ARL4A: variants seen among roughly 807,000 people sequenced by gnomAD.
ARL4A encodes the protein ADP-ribosylation factor-like protein 4A.
Under a neutral mutation model 13.9 loss-of-function variants are expected in ARL4A, and 5 were observed. The ratio of observed to expected loss-of-function variants is 0.36; its 90% CI spans 0.19 to 0.75. The LOEUF is 0.75. Among genes scored for constraint, ARL4A ranks in the 30% least tolerant of loss-of-function variants. The pLI, the probability that ARL4A is intolerant of heterozygous loss-of-function variation, is 0.53. For missense variants in ARL4A, 147 were observed against 225.8 expected (o/e 0.65, Z 2.24); for synonymous variants, 77 against 84.4 (o/e 0.91, Z 0.48).
At position 12,689,979 on chromosome 7, in the gene ARL4A, T is replaced by G. The variant is rs62449782; in HGVS notation, c.*1122T>G. ...TTTTTGTTTACAAATTGAACAGTGT[T>G]ACATGGGCTGTCCAGTCCTGATTAT... On this transcript the variant is annotated 3_prime_UTR_variant, in exon 2 of 2. Transcript: ENST00000651779. 0.21 allele frequency: 35,640 copies of G among 166,970 alleles called. 4,440 individuals carry two copies. Among genetic ancestry groups the G allele is most frequent in the Non-Finnish European group, 0.28 (19,172 of 68,044 alleles). 10.3% of individuals were successfully genotyped at this position (166,970 alleles called of 1,614,324 possible). A position where few individuals can be genotyped will look rare whatever the true frequency, so the allele number is the denominator to read the frequency against.
rs1483901798 is a variant in ARL4A at position 12,688,250 on chromosome 7, T to G, written c.-5T>G. 6.4e-7 allele frequency: 1 copy of G among 1,551,354 alleles called. No individual in the cohort carries two copies. The highest frequency in any genetic ancestry group is 1.2e-5 in the South Asian group (1 of 81,278). The stretch of plus-strand genomic sequence containing the variant: ...TCAATTTGGGACATTTATTTGCACC[T>G]GGAAATGGGGAATGGGCTGTCAGAC... On this transcript the variant is annotated 5_prime_UTR_variant, in exon 2 of 2. Transcript: ENST00000651779. This position sits in a 1 kb window ranked among gnomAD's most constrained non-coding sequence, Gnocchi z 5.2.
In ARL4A at chr7:12,688,056, C is replaced by T. The variant is rs555095449; in HGVS notation, c.-89-110C>T. On this transcript the variant is annotated intron_variant, in intron 1 of 1. Coordinates refer to ENST00000651779, the MANE Select transcript of ARL4A (RefSeq NM_005738.5). The surrounding 1 kb of genome is among the most constrained non-coding windows in gnomAD (Gnocchi z 5.2). ...TTCATATCTCGTCTGGTTTGTTTAG[C>T]GCAGCAAGTTATAGTAAGTTCTTCG... 3 of 671,682 alleles carry T rather than the reference C, an allele frequency of 4.5e-6. No homozygotes were observed. The highest frequency in any genetic ancestry group is 2.9e-5 in the East Asian group (1 of 34,308). The allele number at this position is 671,682 out of a possible 1,614,324, so 41.6% of individuals were successfully genotyped here.
At position 12,689,328 on chromosome 7, in the gene ARL4A, T is replaced by C. The variant is rs542098515; in HGVS notation, c.*471T>C. Reference sequence around the variant, plus strand: ...ATATTGATCACATTGGTCCAACCAGTCCTTTTTTGAAGTAAGGGACAAGGA... The same window carrying C: ...ATATTGATCACATTGGTCCAACCAGCCCTTTTTTGAAGTAAGGGACAAGGA... On this transcript the variant is annotated 3_prime_UTR_variant, in exon 2 of 2. Transcript: ENST00000651779. The C allele has an allele frequency of 5.9e-6, 1 of 168,418 alleles. No homozygotes were observed. The highest frequency in any genetic ancestry group is 2.0e-4 in the South Asian group (1 of 4,892). The allele number at this position is 168,418 out of a possible 1,614,324, so 10.4% of individuals were successfully genotyped here.
In ARL4A at chr7:12,689,064, C is replaced by G; in HGVS notation, c.*207C>G. On this transcript the variant is annotated 3_prime_UTR_variant, in exon 2 of 2. Coordinates refer to ENST00000651779, the MANE Select transcript of ARL4A (RefSeq NM_005738.5). ...CTTAAAGTGGTCTCTTCTCCCTACC[C>G]CACAAATCTTTTGGTACTACCATTT... The G allele has an allele frequency of 1.9e-6, 1 of 513,404 alleles. No individual in the cohort carries two copies. The highest frequency in any genetic ancestry group is 3.5e-6 in the Non-Finnish European group (1 of 285,074). The allele number at this position is 513,404 out of a possible 1,614,324, so 31.8% of individuals were successfully genotyped here.
rs1488397252 is a variant in ARL4A at position 12,688,968 on chromosome 7, A to G, written c.*111A>G. The G allele has an allele frequency of 2.6e-6, 3 of 1,141,094 alleles. No individual in the cohort carries two copies. The East Asian group carries it at 7.2e-5, about 27-fold the overall frequency. The allele number at this position is 1,141,094 out of a possible 1,614,324, so 70.7% of individuals were successfully genotyped here. On this transcript the variant is annotated 3_prime_UTR_variant, in exon 2 of 2. Coordinates refer to ENST00000651779, the MANE Select transcript of ARL4A (RefSeq NM_005738.5). This position sits in a 1 kb window ranked among gnomAD's most constrained non-coding sequence, Gnocchi z 5.2. ...CTGTCTGCCCTCCTGGATGCTATTA[A>G]AGCTTTGTTTTGTTGAACAATCAGA...
At position 12,689,831 on chromosome 7, in the gene ARL4A, A is replaced by T. The variant is rs1197906985; in HGVS notation, c.*974A>T. 6.0e-6 allele frequency: 1 copy of T among 166,872 alleles called. No individual in the cohort carries two copies. The allele number at this position is 166,872 out of a possible 1,614,324, so 10.3% of individuals were successfully genotyped here. A position where few individuals can be genotyped will look rare whatever the true frequency, so the allele number is the denominator to read the frequency against. The stretch of plus-strand genomic sequence containing the variant: ...TGTTTTATTAATATTTGCTGGCTAA[A>T]AACAAATGTGGTTTTTATATATTTT... On this transcript the variant is annotated 3_prime_UTR_variant, in exon 2 of 2. Transcript: ENST00000651779.
At chr7:12,686,928 C>G (rs531038447), upstream of ARL4A, 1 of 151,844 alleles carries the variant, frequency 6.6e-6, no homozygotes, top group Non-Finnish European at 1.5e-5. Flanking sequence ...GCCCGCCAGG[C>G]GCCCAGTCCT....
At position 12,687,878 on chromosome 7, in the gene ARL4A, A is replaced by T. The variant is rs530959186; in HGVS notation, c.-90+150A>T. The T allele has an allele frequency of 5.5e-6, 1 of 180,760 alleles. No homozygotes were observed. Among genetic ancestry groups the T allele is most frequent in the Non-Finnish European group, 1.2e-5 (1 of 85,672 alleles). The allele number at this position is 180,760 out of a possible 1,614,324, so 11.2% of individuals were successfully genotyped here. A position where few individuals can be genotyped will look rare whatever the true frequency, so the allele number is the denominator to read the frequency against. On this transcript the variant is annotated intron_variant, in intron 1 of 1. Transcript: ENST00000651779. This position sits in a 1 kb window ranked among gnomAD's most constrained non-coding sequence, Gnocchi z 5.6. Reference sequence around the variant, plus strand: ...TTGTGGTTACGGCCACTTAGACCAGATACTGGTGACTGGGTTCTTTCCAGA... The same window carrying T: ...TTGTGGTTACGGCCACTTAGACCAGTTACTGGTGACTGGGTTCTTTCCAGA...
Position 12,689,168 on chromosome 7 carries a change from TAA to T in ARL4A, c.*313_*314del, listed in dbSNP as rs933789136. 2.3e-5 allele frequency: 6 copies of T among 263,072 alleles called. No homozygotes were observed. The highest frequency in any genetic ancestry group is 1.4e-4 in the African/African-American group (6 of 44,154). 16.3% of individuals were successfully genotyped at this position (263,072 alleles called of 1,614,324 possible). ...GTCTGAAGTTAGTGAAATAAAACTT[TAA>T]AGAGTGTCTGCCTAGTGTTTTGTGC... is the stretch of plus-strand genomic sequence containing the variant. On this transcript the variant is annotated 3_prime_UTR_variant, in exon 2 of 2. Coordinates refer to ENST00000651779, the MANE Select transcript of ARL4A (RefSeq NM_005738.5).
At position 12,689,039 on chromosome 7, in the gene ARL4A, C is replaced by T. The variant is rs1438101824; in HGVS notation, c.*182C>T. On this transcript the variant is annotated 3_prime_UTR_variant, in exon 2 of 2. Transcript: ENST00000651779. ...TGGAAGATGAGTAAATGCAGTGCTT[C>T]TTAAAGTGGTCTCTTCTCCCTACCC... is the stretch of plus-strand genomic sequence containing the variant. 23 of 620,204 alleles carry T rather than the reference C, an allele frequency of 3.7e-5. No homozygotes were observed. The highest frequency in any genetic ancestry group is 2.5e-5 in the Non-Finnish European group (9 of 361,070). 38.4% of individuals were successfully genotyped at this position (620,204 alleles called of 1,614,324 possible).
In ARL4A at chr7:12,690,292, GTTTT is replaced by G. The variant is rs1356442544; in HGVS notation, c.*1439_*1442del. The G allele has an allele frequency of 1.0e-4, 14 of 136,002 alleles. No individual in the cohort carries two copies. Among genetic ancestry groups the G allele is most frequent in the Non-Finnish European group, 2.4e-4 (13 of 54,650 alleles). The allele number at this position is 136,002 out of a possible 1,614,324, so 8.4% of individuals were successfully genotyped here. A position where few individuals can be genotyped will look rare whatever the true frequency, so the allele number is the denominator to read the frequency against. On this transcript the variant is annotated 3_prime_UTR_variant, in exon 2 of 2. Transcript: ENST00000651779. ...AGGATTTGTTTTGGCTTTGGGTTTT[GTTTT>G]TTTGTTTTTTTTTTTTTTCAGTGGC...
rs897087456 is a variant in ARL4A, at chr7:12,687,950, A to G, written c.-89-216A>G. On this transcript the variant is annotated intron_variant, in intron 1 of 1. Transcript: ENST00000651779. The surrounding 1 kb of genome is among the most constrained non-coding windows in gnomAD (Gnocchi z 5.6). ...GACCCAGGAGAAAAACGTACATATTACTGCAATTTAAGTAAACCAGATAAT... is the reference window on the plus strand; with the variant it reads ...GACCCAGGAGAAAAACGTACATATTGCTGCAATTTAAGTAAACCAGATAAT... 6.6e-6 allele frequency among the ~76,000 whole-genome samples: 1 copy of G among 152,176 alleles called. No individual in the cohort carries two copies. Among genetic ancestry groups the G allele is most frequent in the Non-Finnish European group, 1.5e-5 (1 of 68,034 alleles).
Position 12,689,526 on chromosome 7 carries a change from GT to G in ARL4A, c.*673del. ...TGGATTAGTTTTCCTGACAAAGCAT[GT>G]TTTGGTGTGTAGTCTTACTTTTTAG... On this transcript the variant is annotated 3_prime_UTR_variant, in exon 2 of 2. Coordinates refer to ENST00000651779, the MANE Select transcript of ARL4A (RefSeq NM_005738.5). 6.0e-6 allele frequency: 1 copy of G among 166,938 alleles called. No homozygotes were observed. 10.3% of individuals were successfully genotyped at this position (166,938 alleles called of 1,614,324 possible).
Position 12,688,219 on chromosome 7 carries a change from A to C in ARL4A, c.-36A>C. On this transcript the variant is annotated 5_prime_UTR_variant, in exon 2 of 2. Coordinates refer to ENST00000651779, the MANE Select transcript of ARL4A (RefSeq NM_005738.5). This position sits in a 1 kb window ranked among gnomAD's most constrained non-coding sequence, Gnocchi z 5.2. ...AGAAGTTGTAAACCAAGAAGAGAAAAGCATTTCAATTTGGGACATTTATTT... is the reference window on the plus strand; with the variant it reads ...AGAAGTTGTAAACCAAGAAGAGAAACGCATTTCAATTTGGGACATTTATTT... 6.5e-7 allele frequency: 1 copy of C among 1,529,778 alleles called. No homozygotes were observed. The highest frequency in any genetic ancestry group is 2.3e-5 in the East Asian group (1 of 44,150). The allele number at this position is 1,529,778 out of a possible 1,614,324, so 94.8% of individuals were successfully genotyped here. A position where few individuals can be genotyped will look rare whatever the true frequency, so the allele number is the denominator to read the frequency against.
chr7:12,688,987 A>T lies in ARL4A; in HGVS notation c.*130A>T. 1.1e-6 allele frequency: 1 copy of T among 914,354 alleles called. No individual in the cohort carries two copies. Among genetic ancestry groups the T allele is most frequent in the Non-Finnish European group, 1.7e-6 (1 of 600,692 alleles). 56.6% of individuals were successfully genotyped at this position (914,354 alleles called of 1,614,324 possible). ...CTATTAAAGCTTTGTTTTGTTGAAC[A>T]ATCAGATGCCCAACTCTGTTGCCTT... On this transcript the variant is annotated 3_prime_UTR_variant, in exon 2 of 2. Transcript: ENST00000651779. The surrounding 1 kb of genome is among the most constrained non-coding windows in gnomAD (Gnocchi z 5.2).
rs1784610211 is a variant in ARL4A, at chr7:12,690,823, G to T, written c.*1966G>T. On this transcript the variant is annotated 3_prime_UTR_variant, in exon 2 of 2. Transcript: ENST00000651779. ...TAAGTATTTCAAAAGCTTGTGTGTTGACCCTTTGTAGCCTAAGTACGTAAA... is the reference window on the plus strand; with the variant it reads ...TAAGTATTTCAAAAGCTTGTGTGTTTACCCTTTGTAGCCTAAGTACGTAAA... 3.0e-5 allele frequency: 5 copies of T among 166,846 alleles called. No individual in the cohort carries two copies. 10.3% of individuals were successfully genotyped at this position (166,846 alleles called of 1,614,324 possible).
chr7:12,687,129 G>A (rs79178345), upstream of ARL4A: 20,358 of 152,314 alleles, frequency 0.13, 1,524 homozygotes, highest in Non-Finnish European at 0.17. This position sits in a 1 kb window ranked among gnomAD's most constrained non-coding sequence, Gnocchi z 5.6. Context: ...CAGGGTGAAG[G>A]GATCCCACTT....
upstream of ARL4A, chr7:12,687,565 C>A (rs73300788): frequency 0.025 from 3,874 of 152,896 alleles, 170 homozygotes; most frequent in African/African-American, 0.084. This position sits in a 1 kb window ranked among gnomAD's most constrained non-coding sequence, Gnocchi z 5.6. Context: ...GATTTGGGAT[C>A]ATGAGTGGAC....
In ARL4A at chr7:12,690,391, A is replaced by C. The variant is rs904488318; in HGVS notation, c.*1534A>C. 2 of 165,916 alleles carry C rather than the reference A, an allele frequency of 1.2e-5. No homozygotes were observed. The highest frequency in any genetic ancestry group is 4.9e-5 in the African/African-American group (2 of 41,180). 10.3% of individuals were successfully genotyped at this position (165,916 alleles called of 1,614,324 possible). A position where few individuals can be genotyped will look rare whatever the true frequency, so the allele number is the denominator to read the frequency against. On this transcript the variant is annotated 3_prime_UTR_variant, in exon 2 of 2. Coordinates refer to ENST00000651779, the MANE Select transcript of ARL4A (RefSeq NM_005738.5). ...TGAAGTAGCTTGATGTGGAGCCTTC[A>C]TATGTTAAATATTCCTGCACTAGTG...
Sources: gnomAD v4.1 joint callset for allele counts (sites outside exome capture counted in the v4.1 genomes callset) on GRCh38, gnomAD v4.1.1 for gene constraint, Gnocchi (gnomAD v3.1) non-coding constraint, MANE v1.5 for transcripts, NCBI Gene and HGNC (gene_info 2026-07-23, HGNC 2026-07-21) for gene names.